Variants in EXOC4 observed in about 807,000 individuals in gnomAD.
EXOC4 encodes exocyst complex component 4, also known as SEC8-like 1.
Under a neutral mutation model 107.2 loss-of-function variants are expected in EXOC4, and 71 were observed. That is an observed-to-expected ratio of 0.66 (90% confidence interval 0.55 to 0.81). The LOEUF (loss-of-function observed/expected upper bound fraction) is 0.81, where lower values mean the gene tolerates loss of function less well. Among genes scored for constraint, EXOC4 ranks in the 30% least tolerant of loss-of-function variants. The probability of loss-of-function intolerance (pLI) is 0.00; values close to 1 mark genes in which losing one functional copy is unlikely to be tolerated. For missense variants in EXOC4, 1,108 were observed against 1,189.6 expected (o/e 0.93, Z 1.01); for synonymous variants, 456 against 441.2 (o/e 1.03, Z -0.42).
intron 14 of EXOC4, among the ~76,000 whole-genome samples, chr7:133,981,779 A>G (rs1050107696): frequency 6.6e-6 from 1 of 152,200 alleles, no homozygotes; most frequent in Non-Finnish European, 1.5e-5. Context: ...AAATAGTTCT[A>G]CTATAAAGAC....
chr7:133,655,857 A>G (rs181203092), intron 10 of EXOC4, among the ~76,000 whole-genome samples: 1 of 152,348 alleles, frequency 6.6e-6, no homozygotes, highest in Non-Finnish European at 1.5e-5. Flanking sequence ...TATGGTAAAT[A>G]CGTAAACCAG....
intron 7 of EXOC4, among the ~76,000 whole-genome samples, chr7:133,451,379 C>T (rs1798343254): frequency 6.6e-6 from 1 of 152,008 alleles, no homozygotes; most frequent in African/African-American, 2.4e-5. Flanking sequence ...TAATTTAGGG[C>T]AGTATCCTCT....
intron 9 of EXOC4, among the ~76,000 whole-genome samples, chr7:133,578,592 A>G (rs1049967024): frequency 3.3e-5 from 5 of 152,192 alleles, no homozygotes; most frequent in Non-Finnish European, 7.4e-5. Flanking sequence ...TATCAAAAAG[A>G]CTTGCCTCAC....
At chr7:134,015,501 C>A (rs1301407620) in intron 17 of EXOC4, among the ~76,000 whole-genome samples, 1 of 152,220 alleles carries the variant, frequency 6.6e-6, no homozygotes, top group East Asian at 1.9e-4. Context: ...CTAAGTACAT[C>A]ATTTCAGCAG....
intron 7 of EXOC4, among the ~76,000 whole-genome samples, chr7:133,424,343 G>T (rs560250656): frequency 6.6e-6 from 1 of 151,942 alleles, no homozygotes; most frequent in East Asian, 1.9e-4. Context: ...CAGAAGGAAT[G>T]AACAACTCCA....
chr7:134,071,154 A>G (rs996269395), downstream of EXOC4, among the ~76,000 whole-genome samples: 10 of 152,212 alleles, frequency 6.6e-5, no homozygotes, highest in Non-Finnish European at 4.4e-5. Flanking sequence ...AATCCTCACA[A>G]TAATCCTACA....
intron 10 of EXOC4, among the ~76,000 whole-genome samples, chr7:133,708,948 A>G (rs1237200807): frequency 6.6e-6 from 1 of 152,216 alleles, no homozygotes; most frequent in Non-Finnish European, 1.5e-5. Flanking sequence ...TCCACATTTA[A>G]TAATTTTAGA....
At chr7:134,047,778 G>T (rs560586155) in intron 17 of EXOC4, among the ~76,000 whole-genome samples, 1 of 152,174 alleles carries the variant, frequency 6.6e-6, no homozygotes, top group Non-Finnish European at 1.5e-5. Context: ...GAGTTTAAAT[G>T]AGATCATATT....
At chr7:133,953,053 C>T (rs1338854898) in intron 14 of EXOC4, among the ~76,000 whole-genome samples, 2 of 152,186 alleles carry the variant, frequency 1.3e-5, no homozygotes, top group African/African-American at 4.8e-5. Flanking sequence ...ATTAGATGTA[C>T]TGCACGTCTT....
At chr7:133,696,642 T>A (rs1411985847) in intron 10 of EXOC4, among the ~76,000 whole-genome samples, 3 of 152,342 alleles carry the variant, frequency 2.0e-5, no homozygotes, top group South Asian at 2.1e-4. Context: ...TTCTGTATAA[T>A]CTTTGTTGTT....
At chr7:133,343,011 CT>C (rs1259131006) in intron 5 of EXOC4, among the ~76,000 whole-genome samples, 2 of 151,972 alleles carry the variant, frequency 1.3e-5, no homozygotes, top group Non-Finnish European at 2.9e-5. Flanking sequence ...CTTCTGAATT[CT>C]TTTTCTGTCA....
chr7:133,657,882 C>A (rs1448516851), intron 10 of EXOC4, among the ~76,000 whole-genome samples: 5 of 152,136 alleles, frequency 3.3e-5, no homozygotes, highest in African/African-American at 7.2e-5. Flanking sequence ...TTACTGAACA[C>A]CCATTGTGTG....
chr7:134,073,219 A>C, the EXOC4 span, among the ~76,000 whole-genome samples: 1 of 45,776 alleles, frequency 2.2e-5, no homozygotes. Flanking sequence ...AAAAAAAAAA[A>C]AAAAAAAAAA....
intron 9 of EXOC4, among the ~76,000 whole-genome samples, chr7:133,497,405 A>G (rs1040757725): frequency 6.7e-6 from 1 of 150,314 alleles, no homozygotes; most frequent in African/African-American, 2.5e-5. Context: ...CCTACCTTAA[A>G]TTTATTCCAA....
At chr7:133,817,630 C>G in intron 11 of EXOC4, 86 bp downstream of exon 11, 1 of 953,806 alleles carries the variant, frequency 1.0e-6, no homozygotes, top group South Asian at 1.6e-5. Flanking sequence ...GAAGAATTAC[C>G]ATCTGTTTCC....
intron 10 of EXOC4, among the ~76,000 whole-genome samples, chr7:133,657,962 T>G (rs1184697251): frequency 6.6e-6 from 1 of 152,010 alleles, no homozygotes; most frequent in African/African-American, 2.4e-5. Context: ...TGCTCACAGG[T>G]TAGTGCGGGA....
chr7:133,611,630 G>A (rs1387555670), intron 9 of EXOC4, among the ~76,000 whole-genome samples: 1 of 151,748 alleles, frequency 6.6e-6, no homozygotes, highest in African/African-American at 2.4e-5. Flanking sequence ...CCTTGAATGT[G>A]TCACTGCCTT....
intron 17 of EXOC4, among the ~76,000 whole-genome samples, chr7:134,024,652 GTC>G (rs777892287): frequency 6.6e-6 from 1 of 152,084 alleles, no homozygotes; most frequent in Non-Finnish European, 1.5e-5. Flanking sequence ...CCACAACCTG[GTC>G]TTGGAGTGAA....
At chr7:133,518,460 T>G (rs532872269) in intron 9 of EXOC4, among the ~76,000 whole-genome samples, 2 of 152,128 alleles carry the variant, frequency 1.3e-5, no homozygotes, top group South Asian at 4.2e-4. Flanking sequence ...GCTTTAGGTT[T>G]CTTTCCTGAG....
Sources: gnomAD v4.1 joint callset for allele counts (sites outside exome capture counted in the v4.1 genomes callset) on GRCh38, gnomAD v4.1.1 for gene constraint, MANE v1.5 for transcripts, NCBI Gene and HGNC (gene_info 2026-07-23, HGNC 2026-07-21) for gene names.